The following ROBO2 variants were observed in gnomAD, a reference collection of about 807,000 sequenced individuals.
The protein encoded by ROBO2 is roundabout homolog 2.
In ROBO2, 53 loss-of-function variants were observed where a neutral mutation model predicts 160.8. That is an observed-to-expected ratio of 0.33 (90% CI 0.26 to 0.41). The LOEUF (loss-of-function observed/expected upper bound fraction) is 0.41. Among genes scored for constraint, ROBO2 ranks in the 10% least tolerant of loss-of-function variants. The probability of loss-of-function intolerance (pLI) is 1.00; values close to 1 mark genes in which losing one functional copy is unlikely to be tolerated. For missense variants in ROBO2, 1,577 were observed against 1,722.4 expected, an observed-to-expected ratio of 0.92 and a Z score of 1.49; for synonymous variants, 664 against 611.7, an observed-to-expected ratio of 1.09 and a Z score of -1.26.
chr3:76,717,024 G>A (rs1489918253), intron 2 of ROBO2, among the ~76,000 whole-genome samples: 4 of 152,174 alleles, frequency 2.6e-5, no homozygotes, highest in Non-Finnish European at 5.9e-5. Flanking sequence ...TAGAAAGTGG[G>A]TTTGAAGCCA....
chr3:76,396,826 A>T (rs2077481885), intron 2 of ROBO2, among the ~76,000 whole-genome samples: 1 of 152,172 alleles, frequency 6.6e-6, no homozygotes, highest in Non-Finnish European at 1.5e-5. Flanking sequence ...ATAAAAGAGG[A>T]TACAAACAAA....
At chr3:77,176,514 G>A (rs1367916404) in intron 2 of ROBO2, among the ~76,000 whole-genome samples, 2 of 152,030 alleles carry the variant, frequency 1.3e-5, no homozygotes, top group African/African-American at 2.4e-5. Flanking sequence ...ATAGATAAAC[G>A]TGACTTGGTG....
At chr3:77,190,593 T>A (rs1414665041) in intron 2 of ROBO2, among the ~76,000 whole-genome samples, 1 of 152,016 alleles carries the variant, frequency 6.6e-6, no homozygotes, top group Non-Finnish European at 1.5e-5. Flanking sequence ...ACAAGCAGGA[T>A]CTTGGCAGGC....
At chr3:77,561,676 T>C (rs144549519) in intron 9 of ROBO2, among the ~76,000 whole-genome samples, 45 of 152,300 alleles carry the variant, frequency 3.0e-4, no homozygotes, top group African/African-American at 9.6e-4. Context: ...TTATGTTCCC[T>C]TTCAGCTTGA....
At position 77,126,697 on chromosome 3, in the gene ROBO2, G is replaced by GATAT. The variant is rs148247989; in HGVS notation, c.388+28370_388+28373dup. ...TTGAGAAAAAGAAGGAATATGGGTG[G>GATAT]ATATATATATATATATTTTTTTTCC... On this transcript the variant is annotated intron_variant, in intron 2 of 25. Coordinates refer to ENST00000461745, the Ensembl canonical transcript of ROBO2. 3.5e-5 allele frequency among the ~76,000 whole-genome samples: 5 copies of GATAT among 141,820 alleles called. 1 individual carries two copies. Among genetic ancestry groups the GATAT allele is most frequent in the African/African-American group, 8.7e-5 (3 of 34,556 alleles). 93.0% of individuals were successfully genotyped at this position (141,820 alleles called of 152,430 possible).
chr3:77,055,510 T>C (rs1385139167), intron 1 of ROBO2, among the ~76,000 whole-genome samples: 1 of 152,208 alleles, frequency 6.6e-6, no homozygotes, highest in Non-Finnish European at 1.5e-5. Flanking sequence ...TACTCCTTTT[T>C]GCCTTGATTT....
chr3:76,090,427 AC>A (rs2069184176), intron 2 of ROBO2, among the ~76,000 whole-genome samples: 1 of 142,728 alleles, frequency 7.0e-6, no homozygotes, highest in African/African-American at 3.1e-5. Context: ...TCCTGTCAAA[AC>A]AAAAACAAAA....
intron 2 of ROBO2, among the ~76,000 whole-genome samples, chr3:76,690,317 T>G (rs2107198474): frequency 6.6e-6 from 1 of 152,150 alleles, no homozygotes; most frequent in African/African-American, 2.4e-5. Context: ...ATCACCAATG[T>G]TATCGTATTA....
At chr3:77,370,018 G>A (rs2071499112) in intron 2 of ROBO2, among the ~76,000 whole-genome samples, 1 of 152,312 alleles carries the variant, frequency 6.6e-6, no homozygotes, top group Admixed American at 6.5e-5. Flanking sequence ...TGCAACAAGA[G>A]TGATGCAAGT....
intron 2 of ROBO2, among the ~76,000 whole-genome samples, chr3:76,777,878 G>T (rs967702081): frequency 1.3e-5 from 2 of 150,962 alleles, no homozygotes; most frequent in African/African-American, 4.8e-5. Context: ...TCCCATTATT[G>T]TGATTTTCTG....
chr3:77,597,163 G>A (rs968864763), intron 19 of ROBO2, among the ~76,000 whole-genome samples: 9 of 151,896 alleles, frequency 5.9e-5, no homozygotes, highest in Non-Finnish European at 1.5e-5. Context: ...AAGACCATAA[G>A]AATATAATAA....
At chr3:77,157,115 G>A (rs2078082196) in intron 2 of ROBO2, among the ~76,000 whole-genome samples, 1 of 152,002 alleles carries the variant, frequency 6.6e-6, no homozygotes, top group Admixed American at 6.6e-5. Context: ...CACACTAAAT[G>A]TAGAAAACCA....
chr3:77,321,597 T>C (rs2064708374), intron 2 of ROBO2, among the ~76,000 whole-genome samples: 1 of 152,016 alleles, frequency 6.6e-6, no homozygotes, highest in African/African-American at 2.4e-5. Context: ...CACTAGATAG[T>C]TAAAATTTAA....
intron 2 of ROBO2, among the ~76,000 whole-genome samples, chr3:77,369,142 G>C (rs2071381010): frequency 6.6e-6 from 1 of 152,142 alleles, no homozygotes. Flanking sequence ...GGCCAAAGCT[G>C]TCCTGGGACT....
chr3:76,983,479 A>G (rs2060206768), intron 2 of ROBO2, among the ~76,000 whole-genome samples: 1 of 152,216 alleles, frequency 6.6e-6, no homozygotes, highest in Non-Finnish European at 1.5e-5. Context: ...GTAAATTTAC[A>G]TATTAATATA....
chr3:77,340,855 T>G (rs1443509305), intron 2 of ROBO2, among the ~76,000 whole-genome samples: 2 of 152,098 alleles, frequency 1.3e-5, no homozygotes. Flanking sequence ...AGCTAACAAT[T>G]TTCCTGATCT....
chr3:77,251,983 C>A (rs1162383267), intron 2 of ROBO2, among the ~76,000 whole-genome samples: 2 of 152,146 alleles, frequency 1.3e-5, no homozygotes, highest in Non-Finnish European at 2.9e-5. Context: ...TGGAAAATTT[C>A]AAAATCTATC....
chr3:76,135,664 A>G (rs1482304651), intron 2 of ROBO2, among the ~76,000 whole-genome samples: 1 of 152,116 alleles, frequency 6.6e-6, no homozygotes, highest in Non-Finnish European at 1.5e-5. Flanking sequence ...CTGTGATCCA[A>G]AATATTTTCT....
intron 2 of ROBO2, among the ~76,000 whole-genome samples, chr3:77,374,169 CAAAAAAAAAAAAAAAAAA>C (rs60357417): frequency 1.0e-4 from 4 of 40,092 alleles, no homozygotes; most frequent in East Asian, 9.8e-4. Context: ...GAGACTCCAT[CAAAAAAAAAAAAAAAAAA>C]AAAAAAAAAA....
Sources: allele counts gnomAD v4.1 joint callset (sites outside exome capture counted in the v4.1 genomes callset), GRCh38; gene constraint gnomAD v4.1.1; transcripts MANE v1.5; gene names NCBI Gene and HGNC (gene_info 2026-07-23, HGNC 2026-07-21).